The following RPS6KC1 variants were observed in gnomAD, a reference collection of about 807,000 sequenced individuals.
The protein encoded by RPS6KC1 is ribosomal protein S6 kinase C1.
Under a neutral mutation model 103.8 loss-of-function variants are expected in RPS6KC1, and 54 were observed. That is an observed-to-expected ratio of 0.52 (90% CI 0.42 to 0.65). The LOEUF is 0.65. Among genes scored for constraint, RPS6KC1 ranks in the 30% least tolerant of loss-of-function variants. The pLI is 0.00. For missense variants in RPS6KC1, 1,151 were observed against 1,253.8 expected (o/e 0.92, Z 1.24); for synonymous variants, 439 against 438.7 (o/e 1.00, Z -0.01).
chr1:213,362,366 C>A, the RPS6KC1 span, among the ~76,000 whole-genome samples: 12 of 152,316 alleles, frequency 7.9e-5, no homozygotes, highest in African/African-American at 2.9e-4. Flanking sequence ...TGGGCCCAGG[C>A]ACTCTACCAT....
intron 1 of RPS6KC1, among the ~76,000 whole-genome samples, chr1:213,068,873 A>ATGTG (rs60259563): frequency 0.053 from 6,703 of 127,260 alleles, 220 homozygotes; most frequent in Middle Eastern, 0.095. Flanking sequence ...AAGTGTATAT[A>ATGTG]TGTGTGTGTG....
At chr1:213,587,259 G>T in the RPS6KC1 span, among the ~76,000 whole-genome samples, 2 of 151,748 alleles carry the variant, frequency 1.3e-5, no homozygotes, top group African/African-American at 4.8e-5. Flanking sequence ...GAGACCCAAA[G>T]GGAAACAAAT....
At chr1:213,610,710 G>T in the RPS6KC1 span, among the ~76,000 whole-genome samples, 2 of 152,176 alleles carry the variant, frequency 1.3e-5, no homozygotes, top group African/African-American at 2.4e-5. Context: ...CCTCATCCTG[G>T]ATGGCAGGAA....
At chr1:213,511,454 A>C in the RPS6KC1 span, among the ~76,000 whole-genome samples, 1 of 152,184 alleles carries the variant, frequency 6.6e-6, no homozygotes, top group African/African-American at 2.4e-5. Context: ...TGTCCTGTGA[A>C]GCCAACTTGT....
the RPS6KC1 span, among the ~76,000 whole-genome samples, chr1:213,438,899 T>A: frequency 6.7e-6 from 1 of 149,432 alleles, no homozygotes; most frequent in Admixed American, 6.7e-5. Flanking sequence ...GTTCACACCA[T>A]TCTCCTGCCT....
At chr1:213,182,001 T>C (rs548443673) in intron 8 of RPS6KC1, among the ~76,000 whole-genome samples, 11 of 152,330 alleles carry the variant, frequency 7.2e-5, no homozygotes, top group Admixed American at 2.0e-4. Flanking sequence ...TAACACTCTC[T>C]GATGTAGTTC....
At chr1:213,489,078 C>G in the RPS6KC1 span, among the ~76,000 whole-genome samples, 1 of 152,144 alleles carries the variant, frequency 6.6e-6, no homozygotes, top group Non-Finnish European at 1.5e-5. Flanking sequence ...ATCCTGAGCT[C>G]TAGTCGGGGA....
the RPS6KC1 span, among the ~76,000 whole-genome samples, chr1:213,759,243 G>A: frequency 2.1e-4 from 32 of 152,174 alleles, no homozygotes; most frequent in Middle Eastern, 6.8e-3. Flanking sequence ...TATCAGTAAA[G>A]TATTTTTGAT....
the RPS6KC1 span, among the ~76,000 whole-genome samples, chr1:213,776,551 G>A: frequency 8.5e-5 from 13 of 152,278 alleles, no homozygotes; most frequent in African/African-American, 3.1e-4. Context: ...GTAAACAAAT[G>A]TGCTATTATC....
At chr1:213,641,095 T>C in the RPS6KC1 span, among the ~76,000 whole-genome samples, 5 of 146,864 alleles carry the variant, frequency 3.4e-5, no homozygotes, top group East Asian at 9.7e-4. Context: ...CTCTTTACTT[T>C]TCAGATTTTT....
the RPS6KC1 span, among the ~76,000 whole-genome samples, chr1:213,656,897 C>T: frequency 6.6e-6 from 1 of 152,178 alleles, no homozygotes; most frequent in African/African-American, 2.4e-5. Context: ...TTATTCTCTA[C>T]CTTACATTAC....
chr1:213,235,286 CATA>C (rs1193619382), intron 10 of RPS6KC1, among the ~76,000 whole-genome samples: 1 of 152,124 alleles, frequency 6.6e-6, no homozygotes, highest in Non-Finnish European at 1.5e-5. Context: ...GGGACACAGA[CATA>C]GTTCTAATTT....
At chr1:213,070,891 T>G in intron 1 of RPS6KC1, 115 bp from the exon 2 acceptor site, 1 of 653,912 alleles carries the variant, frequency 1.5e-6, no homozygotes. Flanking sequence ...ATATAGTGTT[T>G]ATTTTTTTAA....
At chr1:213,078,718 A>G (rs909929514) in intron 3 of RPS6KC1, among the ~76,000 whole-genome samples, 3 of 152,134 alleles carry the variant, frequency 2.0e-5, no homozygotes, top group African/African-American at 7.2e-5. Flanking sequence ...ATTTTATCCT[A>G]TTACTTTTTG....
chr1:213,336,005 T>A, the RPS6KC1 span, among the ~76,000 whole-genome samples: 6 of 152,222 alleles, frequency 3.9e-5, no homozygotes, highest in African/African-American at 1.4e-4. Flanking sequence ...GAAAGCAATA[T>A]GTTATCAAAA....
At chr1:213,640,035 C>A in the RPS6KC1 span, among the ~76,000 whole-genome samples, 1 of 151,834 alleles carries the variant, frequency 6.6e-6, no homozygotes, top group Admixed American at 6.6e-5. Context: ...AGTTTCTGTT[C>A]TGAAAGACTT....
the RPS6KC1 span, among the ~76,000 whole-genome samples, chr1:213,716,879 G>A: frequency 6.6e-6 from 1 of 152,160 alleles, no homozygotes; most frequent in Admixed American, 6.5e-5. Context: ...ACTTGGGGAA[G>A]TTTGTTTATG....
intron 12 of RPS6KC1, among the ~76,000 whole-genome samples, chr1:213,260,630 A>G (rs1196890119): frequency 6.6e-6 from 1 of 151,688 alleles, no homozygotes; most frequent in Admixed American, 6.6e-5. Context: ...TGGGTTACCT[A>G]TAGTCAAATA....
chr1:213,268,526 C>CA (rs1480691287), intron 14 of RPS6KC1, among the ~76,000 whole-genome samples: 7 of 147,400 alleles, frequency 4.7e-5, no homozygotes, highest in Non-Finnish European at 7.5e-5. Flanking sequence ...ATAGAAAAGA[C>CA]AAAAAAATAT....
Sources: allele counts gnomAD v4.1 joint callset (sites outside exome capture counted in the v4.1 genomes callset), GRCh38; gene constraint gnomAD v4.1.1; transcripts MANE v1.5; gene names NCBI Gene and HGNC (gene_info 2026-07-23, HGNC 2026-07-21).